The following ANXA7 variants were observed in gnomAD, a reference collection of about 807,000 sequenced individuals.
The protein encoded by ANXA7 is annexin VII.
In ANXA7, 55 loss-of-function variants were observed where a neutral mutation model predicts 64.9. That is an observed-to-expected ratio of 0.85 (90% CI 0.68 to 1.06). The LOEUF is 1.06. Among genes scored for constraint, ANXA7 ranks in the 50% least tolerant of loss-of-function variants. ANXA7 has a pLI of 0.00. For synonymous variants in ANXA7, 200 were observed against 192.4 expected (o/e 1.04, Z -0.33); for missense variants, 548 against 582.1 (o/e 0.94, Z 0.60).
rs1554815379 is a variant in ANXA7 at position 73,377,773 on chromosome 10, G to GGGGGGGGTGTGTGT, written c.1278+1137_1278+1138insACACACACCCCCCC. Among the ~76,000 whole-genome samples the GGGGGGGGTGTGTGT allele has an allele frequency of 8.8e-5, 11 of 124,842 alleles. 2 individuals carry two copies. The South Asian group carries it at 2.6e-3, about 30-fold the overall frequency. 81.9% of individuals were successfully genotyped at this position (124,842 alleles called of 152,430 possible). A position where few individuals can be genotyped will look rare whatever the true frequency, so the allele number is the denominator to read the frequency against. ...ACTACCATGCCGGGGGGTGGGTGTG[G>GGGGGGGGTGTGTGT]GTGTGTGTGTGTGTGTGTGTGTGTG... On this transcript the variant is annotated intron_variant, in intron 12 of 12. Transcript: ENST00000372921.
In ANXA7 at chr10:73,398,365, AGAT is replaced by A. The variant is rs2055610086; in HGVS notation, c.72_74del (p.Ser25del). 6.2e-7 allele frequency: 1 copy of A among 1,613,840 alleles called. No homozygotes were observed. On this transcript the variant is annotated inframe_deletion, in exon 3 of 13. Coordinates refer to ENST00000372921, the MANE Select transcript of ANXA7 (RefSeq NM_001156.5). ...AAGGATACTGACCAGAAGGGGGAAA[AGAT>A]GACTCCTGACCTGCAGGCTGAAAAA... is the stretch of plus-strand genomic sequence containing the variant.
intron 1 of ANXA7, among the ~76,000 whole-genome samples, chr10:73,409,525 CA>C (rs1347392612): frequency 2.6e-5 from 4 of 152,090 alleles, no homozygotes; most frequent in Non-Finnish European, 5.9e-5. Flanking sequence ...TCACAGATGA[CA>C]TAAATGGAAA....
intron 1 of ANXA7, among the ~76,000 whole-genome samples, chr10:73,413,670 C>T (rs572182610): frequency 2.2e-4 from 34 of 152,256 alleles, no homozygotes; most frequent in Non-Finnish European, 4.4e-4. Context: ...TCAGCACTGC[C>T]CGTGCGTTTC....
intron 1 of ANXA7, among the ~76,000 whole-genome samples, chr10:73,411,568 G>A (rs2055838858): frequency 6.6e-6 from 1 of 152,042 alleles, no homozygotes; most frequent in African/African-American, 2.4e-5. Flanking sequence ...AGCCTCCCGT[G>A]TAGCTGGGAC....
chr10:73,405,447 C>CAGG (rs2055741308), intron 1 of ANXA7, among the ~76,000 whole-genome samples: 1 of 146,376 alleles, frequency 6.8e-6, no homozygotes, highest in African/African-American at 2.5e-5. Context: ...GAGGCTGAGG[C>CAGG]AGAATTGCTT....
chr10:73,387,868 T>TTTTA (rs2055402352), intron 6 of ANXA7, 85 bp from the exon 7 acceptor site: 2 of 962,992 alleles, frequency 2.1e-6, no homozygotes, highest in Non-Finnish European at 3.1e-6. Flanking sequence ...TTTTTTTTTT[T>TTTTA]GAGACGGAGT....
chr10:73,387,879 T>G lies in ANXA7; in HGVS notation c.539-96A>C. On this transcript the variant is annotated intron_variant, in intron 6 of 12. Coordinates refer to ENST00000372921, the MANE Select transcript of ANXA7 (RefSeq NM_001156.5). ...TTTTTTTTTTTTTTTGAGACGGAGT[T>G]TGTCACCCAGACTGGGGGTGCAAGT... 6 of 1,003,426 alleles carry G rather than the reference T, an allele frequency of 6.0e-6. No homozygotes were observed. In the South Asian group the frequency reaches 8.7e-5, roughly 14 times the overall value. The allele number at this position is 1,003,426 out of a possible 1,614,324, so 62.2% of individuals were successfully genotyped here.
Position 73,378,823 on chromosome 10 carries a change from G to C in ANXA7, c.1278+88C>G. The C allele has an allele frequency of 3.3e-6, 3 of 919,442 alleles. No homozygotes were observed. The South Asian group carries it at 4.3e-5, about 13-fold the overall frequency. 57.0% of individuals were successfully genotyped at this position (919,442 alleles called of 1,614,324 possible). Reference sequence around the variant, plus strand: ...AAGAGAGCTCTTTCTTATCATTTTTGAGGGACTGACAACCAACTGGGGAAC... The same window carrying C: ...AAGAGAGCTCTTTCTTATCATTTTTCAGGGACTGACAACCAACTGGGGAAC... On this transcript the variant is annotated intron_variant, in intron 12 of 12. Coordinates refer to ENST00000372921, the MANE Select transcript of ANXA7 (RefSeq NM_001156.5).
rs759148150 is a variant in ANXA7 at position 73,387,746 on chromosome 10, G to A, written c.576C>T (p.Asn192=). The change falls in exon 7 of 13, where the codon AAC becomes AAT. Residue 192 remains asparagine (N), a synonymous_variant. Coordinates refer to ENST00000372921, the MANE Select transcript of ANXA7 (RefSeq NM_001156.5). ...DEQAIVDVVA[N]RSNDQRQKIK... is the part of the protein sequence containing the mutation. ...TTTTTTGCCTCTGATCATTGGAACG[G>A]TTGGCCACCACATCCACAATTGCCT... The A allele has an allele frequency of 4.8e-5, 78 of 1,613,664 alleles. No individual in the cohort carries two copies. The highest frequency in any genetic ancestry group is 8.3e-5 in the Admixed American group (5 of 59,978).
chr10:73,397,130 T>A, intron 4 of ANXA7, 34 bp downstream of exon 4: 1 of 1,240,696 alleles, frequency 8.1e-7, no homozygotes. Flanking sequence ...CAAAATATCA[T>A]GATACTGTTT....
chr10:73,395,908 T>C (rs770968107), intron 5 of ANXA7: 1 of 727,274 alleles, frequency 1.4e-6, no homozygotes, highest in Non-Finnish European at 2.5e-6. Context: ...GCCCTACCTA[T>C]TATTACAGGA....
rs760545895 is a variant in ANXA7 at position 73,379,049 on chromosome 10, T to C, written c.1166-26A>G. On this transcript the variant is annotated intron_variant, in intron 11 of 12. Coordinates refer to ENST00000372921, the MANE Select transcript of ANXA7 (RefSeq NM_001156.5). Reference sequence around the variant, plus strand: ...CTGCAAGTTAGAGATGGTTGAGACATGGAATCATGATCTCACAAGAAGTGT... The same window carrying C: ...CTGCAAGTTAGAGATGGTTGAGACACGGAATCATGATCTCACAAGAAGTGT... The C allele has an allele frequency of 1.2e-4, 183 of 1,520,102 alleles. 1 individual carries two copies. The Middle Eastern group carries it at 5.3e-3, about 44-fold the overall frequency. 94.2% of individuals were successfully genotyped at this position (1,520,102 alleles called of 1,614,324 possible). A position where few individuals can be genotyped will look rare whatever the true frequency, so the allele number is the denominator to read the frequency against.
intron 12 of ANXA7, 125 bp from the exon 13 acceptor site, chr10:73,376,342 A>C: frequency 2.2e-6 from 2 of 898,464 alleles, no homozygotes; most frequent in Non-Finnish European, 3.2e-6. Flanking sequence ...CAAGTGACTG[A>C]CATTTTATGG....
chr10:73,376,324 GA>G (rs771536832), intron 12 of ANXA7, 107 bp from the exon 13 acceptor site: 102 of 1,078,610 alleles, frequency 9.5e-5, no homozygotes, highest in Middle Eastern at 9.4e-4. Flanking sequence ...ACTTGGGGGG[GA>G]AAACACCAAG....
At chr10:73,399,771 G>A (rs1472010236) in intron 2 of ANXA7, among the ~76,000 whole-genome samples, 3 of 151,702 alleles carry the variant, frequency 2.0e-5, no homozygotes, top group Non-Finnish European at 4.4e-5. Flanking sequence ...GCAGTGAGTC[G>A]AGATCACACC....
At chr10:73,405,980 A>G (rs532830228) in intron 1 of ANXA7, among the ~76,000 whole-genome samples, 1 of 151,072 alleles carries the variant, frequency 6.6e-6, no homozygotes, top group Admixed American at 6.6e-5. Context: ...TTTGAGACAG[A>G]GTTTCGCTCT....
chr10:73,391,029 G>A (rs1263654826), intron 5 of ANXA7, among the ~76,000 whole-genome samples: 3 of 151,836 alleles, frequency 2.0e-5, no homozygotes, highest in East Asian at 1.9e-4. Context: ...AATGCTGGGC[G>A]TGGTGGTGCG....
chr10:73,387,914 T>C (rs1290820748), intron 6 of ANXA7, 131 bp from the exon 7 acceptor site: 8 of 687,560 alleles, frequency 1.2e-5, no homozygotes, highest in Non-Finnish European at 2.0e-5. Context: ...TGCAATGGTG[T>C]GATCTAGGCT....
chr10:73,401,204 T>G (rs948801247), intron 1 of ANXA7, among the ~76,000 whole-genome samples: 3 of 151,256 alleles, frequency 2.0e-5, no homozygotes, highest in Non-Finnish European at 4.4e-5. Context: ...GCGCCCAGCC[T>G]GTAATTTCTT....
Sources: gnomAD v4.1 joint callset for allele counts (sites outside exome capture counted in the v4.1 genomes callset) on GRCh38, gnomAD v4.1.1 for gene constraint, MANE v1.5 for transcripts, NCBI Gene and HGNC (gene_info 2026-07-23, HGNC 2026-07-21) for gene names.